ARHGAP22: variants seen among roughly 807,000 people sequenced by gnomAD.
The protein encoded by ARHGAP22 is rho GTPase-activating protein 22.
Under a neutral mutation model 59.1 loss-of-function variants are expected in ARHGAP22, and 48 were observed. The observed-to-expected ratio is 0.81, with a 90% CI of 0.64 to 1.03. The LOEUF is 1.03. ARHGAP22 is among the 50% of genes least tolerant of loss of function. The pLI is 0.00. For synonymous variants in ARHGAP22, 445 were observed against 416.4 expected, an observed-to-expected ratio of 1.07 and a Z score of -0.84; for missense variants, 1,015 against 958.7, an observed-to-expected ratio of 1.06 and a Z score of -0.78.
chr10:48,577,863 A>AGT (rs1405598905), intron 2 of ARHGAP22, among the ~76,000 whole-genome samples: 1 of 123,022 alleles, frequency 8.1e-6, no homozygotes, highest in Non-Finnish European at 1.6e-5. Flanking sequence ...CCCAGGCTGA[A>AGT]GTGCAGTAGC....
chr10:48,542,978 C>T (rs533170193), intron 3 of ARHGAP22, among the ~76,000 whole-genome samples: 2 of 152,286 alleles, frequency 1.3e-5, no homozygotes, highest in Admixed American at 6.5e-5. Flanking sequence ...ATTTTCAGTA[C>T]ACCCTCAGCA....
the ARHGAP22 span, chr10:48,431,317 GT>G: frequency 7.7e-7 from 1 of 1,305,824 alleles, no homozygotes; most frequent in African/African-American, 1.5e-5. Flanking sequence ...TACTTCTTGT[GT>G]TGTAATCTTC....
chr10:48,513,420 A>C (rs181634550), intron 3 of ARHGAP22, among the ~76,000 whole-genome samples: 62 of 152,374 alleles, frequency 4.1e-4, no homozygotes, highest in African/African-American at 1.3e-3. Flanking sequence ...GGAAGGGAAG[A>C]CTATGGCAGA....
chr10:48,456,546 G>A (rs12769902), intron 5 of ARHGAP22, among the ~76,000 whole-genome samples: 19,343 of 152,188 alleles, frequency 0.13, 2,077 homozygotes, highest in East Asian at 0.61. Context: ...CTGGGAGCCC[G>A]TGGCTTCAGT....
intron 3 of ARHGAP22, among the ~76,000 whole-genome samples, chr10:48,543,043 G>A (rs547609777): frequency 3.7e-4 from 56 of 152,306 alleles, no homozygotes; most frequent in Admixed American, 7.2e-4. Flanking sequence ...TGGTGGGCAT[G>A]TATGGAGCAA....
intron 1 of ARHGAP22, among the ~76,000 whole-genome samples, chr10:48,650,802 T>C (rs2062528529): frequency 6.6e-6 from 1 of 152,162 alleles, no homozygotes; most frequent in Non-Finnish European, 1.5e-5. Context: ...CCTGGAGATA[T>C]TAGGTATTAG....
intron 2 of ARHGAP22, among the ~76,000 whole-genome samples, chr10:48,580,864 T>C (rs992676720): frequency 5.7e-5 from 7 of 121,912 alleles, no homozygotes; most frequent in Non-Finnish European, 1.4e-4. Flanking sequence ...TGTTATACAA[T>C]TTAACCCCTA....
intron 1 of ARHGAP22, among the ~76,000 whole-genome samples, chr10:48,618,378 A>G (rs891767323): frequency 2.0e-5 from 3 of 152,206 alleles, no homozygotes; most frequent in African/African-American, 7.2e-5. Flanking sequence ...CAAACCAGAT[A>G]AGGACACAAT....
intron 1 of ARHGAP22, among the ~76,000 whole-genome samples, chr10:48,611,207 G>T (rs1371474613): frequency 6.6e-6 from 1 of 152,218 alleles, no homozygotes; most frequent in African/African-American, 2.4e-5. Context: ...GCCTGTGAGT[G>T]CTGGGTTCTC....
At chr10:48,558,150 A>T (rs1346005118) in intron 2 of ARHGAP22, among the ~76,000 whole-genome samples, 1 of 152,178 alleles carries the variant, frequency 6.6e-6, no homozygotes, top group African/African-American at 2.4e-5. Context: ...ACATCATTGC[A>T]TGTGGAGCTG....
At chr10:48,448,913 C>G (rs1003689255) in intron 9 of ARHGAP22, among the ~76,000 whole-genome samples, 2 of 152,180 alleles carry the variant, frequency 1.3e-5, no homozygotes, top group African/African-American at 2.4e-5. Flanking sequence ...ATACTCAGGA[C>G]AAATGGGTGA....
At chr10:48,500,153 C>T (rs1033762538) in intron 3 of ARHGAP22, among the ~76,000 whole-genome samples, 3 of 152,136 alleles carry the variant, frequency 2.0e-5, no homozygotes, top group African/African-American at 7.2e-5. Context: ...GTCTAGGCAA[C>T]AGAGCAAGAC....
At chr10:48,449,823 G>T (rs546609275) in intron 9 of ARHGAP22, among the ~76,000 whole-genome samples, 1 of 152,316 alleles carries the variant, frequency 6.6e-6, no homozygotes, top group South Asian at 2.1e-4. Flanking sequence ...CATCAAGGAA[G>T]GGGTCCTCAC....
At chr10:48,486,248 CT>C (rs1564746946) in intron 3 of ARHGAP22, among the ~76,000 whole-genome samples, 1 of 151,856 alleles carries the variant, frequency 6.6e-6, no homozygotes, top group African/African-American at 2.4e-5. Flanking sequence ...CTTTCCTGAC[CT>C]TTTTTGCAAT....
At chr10:48,605,268 C>G (rs11817480), upstream of ARHGAP22, 1 of 627,396 alleles carries the variant, frequency 1.6e-6, no homozygotes, top group African/African-American at 2.0e-5. Flanking sequence ...CAGCCGCCGC[C>G]TGGGAGCCGC....
chr10:48,505,612 T>C (rs2052031473), intron 3 of ARHGAP22, among the ~76,000 whole-genome samples: 1 of 152,018 alleles, frequency 6.6e-6, no homozygotes, highest in African/African-American at 2.4e-5. Flanking sequence ...CTCCTTGTGG[T>C]TGGGGCAGGA....
intron 2 of ARHGAP22, among the ~76,000 whole-genome samples, chr10:48,578,928 CT>C (rs1206299368): frequency 6.6e-6 from 1 of 151,002 alleles, no homozygotes; most frequent in Non-Finnish European, 1.5e-5. Context: ...CGTTCTTTTG[CT>C]TTTTAATCTT....
intron 9 of ARHGAP22, among the ~76,000 whole-genome samples, chr10:48,450,059 T>G (rs1245591595): frequency 2.1e-5 from 3 of 145,108 alleles, no homozygotes; most frequent in African/African-American, 8.5e-5. Context: ...GCTGACTGCG[T>G]GCCAGACTGA....
At chr10:48,640,981 G>A (rs949821829) in intron 1 of ARHGAP22, among the ~76,000 whole-genome samples, 4 of 152,100 alleles carry the variant, frequency 2.6e-5, no homozygotes, top group Non-Finnish European at 5.9e-5. Context: ...AAAGGAAAAT[G>A]GATAAAATGA....
Sources: allele counts gnomAD v4.1 joint callset (sites outside exome capture counted in the v4.1 genomes callset), GRCh38; gene constraint gnomAD v4.1.1; transcripts MANE v1.5; gene names NCBI Gene and HGNC (gene_info 2026-07-23, HGNC 2026-07-21).